Variants in CLDN16 observed in about 807,000 individuals in gnomAD.
CLDN16 encodes the protein claudin-16.
CLDN16 carries 13 observed loss-of-function variants against 24.6 expected under a neutral mutation model. The observed-to-expected ratio is 0.53, with a 90% CI of 0.34 to 0.84. The LOEUF (loss-of-function observed/expected upper bound fraction) is 0.84. CLDN16 is among the 40% of genes least tolerant of loss of function. The pLI is 0.01. For missense variants in CLDN16, 298 were observed against 292.7 expected, an observed-to-expected ratio of 1.02 and a Z score of -0.13; for synonymous variants, 116 against 106.7, an observed-to-expected ratio of 1.09 and a Z score of -0.54.
intron 1 of CLDN16, among the ~76,000 whole-genome samples, chr3:190,392,808 G>T (rs1331799440): frequency 2.0e-5 from 3 of 152,136 alleles, no homozygotes; most frequent in African/African-American, 7.2e-5. Flanking sequence ...TTAGAGAAAA[G>T]AATACAGGGG....
the CLDN16 span, among the ~76,000 whole-genome samples, chr3:190,300,247 A>G: frequency 6.6e-6 from 1 of 152,306 alleles, no homozygotes; most frequent in South Asian, 2.1e-4. Flanking sequence ...CACACTTTTA[A>G]CAGCTCACAG....
chr3:190,408,983 G>T (rs1345910758), intron 4 of CLDN16, among the ~76,000 whole-genome samples: 1 of 150,052 alleles, frequency 6.7e-6, no homozygotes, highest in Non-Finnish European at 1.5e-5. Context: ...ATGTATAATT[G>T]TAATACATCA....
intron 1 of CLDN16, among the ~76,000 whole-genome samples, chr3:190,341,349 C>T (rs1717428637): frequency 6.6e-6 from 1 of 152,214 alleles, no homozygotes; most frequent in Non-Finnish European, 1.5e-5. Context: ...GCTCCCAAAT[C>T]CCAAGTCTTG....
intron 1 of CLDN16, among the ~76,000 whole-genome samples, chr3:190,363,395 T>G (rs1364726450): frequency 6.6e-6 from 1 of 151,346 alleles, no homozygotes; most frequent in Non-Finnish European, 1.5e-5. Context: ...TAATTGTTAT[T>G]TTAAAGTCTT....
At chr3:190,304,786 T>C in the CLDN16 span, among the ~76,000 whole-genome samples, 301 of 152,244 alleles carry the variant, frequency 2.0e-3, no homozygotes, top group Admixed American at 3.7e-3. Flanking sequence ...ATACTAGGAA[T>C]AATGACAGGC....
chr3:190,296,832 G>T, the CLDN16 span, among the ~76,000 whole-genome samples: 1 of 152,020 alleles, frequency 6.6e-6, no homozygotes, highest in Non-Finnish European at 1.5e-5. Context: ...TTACAGGCGT[G>T]AGCCACCGCG....
chr3:190,323,560 A>C (rs1181939525), intron 1 of CLDN16, among the ~76,000 whole-genome samples: 3 of 152,106 alleles, frequency 2.0e-5, no homozygotes, highest in African/African-American at 7.2e-5. Flanking sequence ...GTGTGGTGCG[A>C]GTGTGGTGGG....
chr3:190,385,250 T>C (rs1252936864), upstream of CLDN16, among the ~76,000 whole-genome samples: 2 of 151,962 alleles, frequency 1.3e-5, no homozygotes, highest in African/African-American at 4.8e-5. Flanking sequence ...GATGTGTCTA[T>C]ATAGATTGGT....
chr3:190,398,098 T>A (rs1718864665), intron 1 of CLDN16, among the ~76,000 whole-genome samples: 1 of 152,208 alleles, frequency 6.6e-6, no homozygotes, highest in African/African-American at 2.4e-5. Context: ...TAAAGTGAAC[T>A]GGATGCAGCG....
chr3:190,366,354 G>A (rs1718021434), intron 1 of CLDN16, among the ~76,000 whole-genome samples: 1 of 151,824 alleles, frequency 6.6e-6, no homozygotes, highest in Admixed American at 6.6e-5. Flanking sequence ...GCATGCCAAC[G>A]CTATGAGTAA....
chr3:190,348,147 C>G (rs186317677), intron 1 of CLDN16, among the ~76,000 whole-genome samples: 1 of 148,564 alleles, frequency 6.7e-6, no homozygotes, highest in Admixed American at 6.7e-5. Flanking sequence ...CCCAGCTACT[C>G]GGGCGGCTGA....
chr3:190,350,363 TATAC>T (rs755933273), intron 1 of CLDN16, among the ~76,000 whole-genome samples: 1 of 142,378 alleles, frequency 7.0e-6, no homozygotes, highest in Non-Finnish European at 1.5e-5. Context: ...TATATATATA[TATAC>T]TTTATTATAG....
intron 1 of CLDN16, among the ~76,000 whole-genome samples, chr3:190,345,932 G>A (rs1717541317): frequency 6.6e-6 from 1 of 151,770 alleles, no homozygotes; most frequent in African/African-American, 2.4e-5. Flanking sequence ...AATATTTATT[G>A]AGGTAGTGCT....
At chr3:190,292,063 A>C in the CLDN16 span, among the ~76,000 whole-genome samples, 1 of 152,086 alleles carries the variant, frequency 6.6e-6, no homozygotes. Flanking sequence ...ACCTCTTCTC[A>C]TAGCTCCATT....
chr3:190,375,882 C>G (rs1049232698), intron 3 of CLDN16, among the ~76,000 whole-genome samples: 4 of 101,450 alleles, frequency 3.9e-5, no homozygotes, highest in African/African-American at 8.5e-5. Flanking sequence ...CCCCTCCCCC[C>G]ACAAAAAAAC....
chr3:190,371,043 A>AC, intron 2 of CLDN16: 1 of 135,704 alleles, frequency 7.4e-6, no homozygotes, highest in Non-Finnish European at 1.6e-5. Context: ...TATATATAAA[A>AC]TATATATGCA....
chr3:190,321,412 G>A (rs1335190662), upstream of CLDN16, among the ~76,000 whole-genome samples: 4 of 152,066 alleles, frequency 2.6e-5, no homozygotes, highest in African/African-American at 9.7e-5. Flanking sequence ...GCACTAACTG[G>A]ATCTTATAAA....
chr3:190,376,921 C>T (rs1718260432), intron 3 of CLDN16, among the ~76,000 whole-genome samples: 1 of 151,844 alleles, frequency 6.6e-6, no homozygotes, highest in Non-Finnish European at 1.5e-5. Context: ...ATAGCAATTC[C>T]CAGGTGACTC....
intron 1 of CLDN16, among the ~76,000 whole-genome samples, chr3:190,323,205 C>G (rs1210976933): frequency 2.0e-5 from 3 of 152,186 alleles, no homozygotes; most frequent in Non-Finnish European, 4.4e-5. Context: ...CAACCTCCTC[C>G]CCACAGCAGT....
Sources: allele counts gnomAD v4.1 joint callset (sites outside exome capture counted in the v4.1 genomes callset), GRCh38; gene constraint gnomAD v4.1.1; transcripts MANE v1.5; gene names NCBI Gene and HGNC (gene_info 2026-07-23, HGNC 2026-07-21).